The following RAD51B variants were observed in gnomAD, a reference collection of about 807,000 sequenced individuals.
RAD51B encodes RAD51 paralog B, also known as DNA repair protein RAD51 homolog 2.
RAD51B carries 38 observed loss-of-function variants against 42.2 expected under a neutral mutation model. The observed-to-expected ratio is 0.90, with a 90% CI of 0.70 to 1.18. The LOEUF is 1.18. Among genes scored for constraint, RAD51B ranks in the 50% most tolerant of loss-of-function variants. RAD51B has a pLI of 0.00. For missense variants in RAD51B, 373 were observed against 400.7 expected, an observed-to-expected ratio of 0.93 and a Z score of 0.59; for synonymous variants, 154 against 145.2, an observed-to-expected ratio of 1.06 and a Z score of -0.43.
intron 7 of RAD51B, among the ~76,000 whole-genome samples, chr14:68,191,268 G>A (rs2079261671): frequency 6.6e-6 from 1 of 152,136 alleles, no homozygotes; most frequent in African/African-American, 2.4e-5. Context: ...TTAAGCATAT[G>A]TGTTTGGATC....
chr14:68,397,718 C>T (rs1468591599), intron 8 of RAD51B, among the ~76,000 whole-genome samples: 4 of 152,148 alleles, frequency 2.6e-5, no homozygotes, highest in African/African-American at 9.7e-5. Context: ...GTAGCAGCTT[C>T]CCTCAGCCTT....
chr14:67,900,928 G>A (rs1030224885), intron 7 of RAD51B, among the ~76,000 whole-genome samples: 4 of 152,156 alleles, frequency 2.6e-5, no homozygotes, highest in African/African-American at 9.7e-5. Flanking sequence ...GTTGGAGTCT[G>A]CTTAGTCCCT....
intron 3 of RAD51B, among the ~76,000 whole-genome samples, chr14:67,830,804 G>C (rs752072456): frequency 1.3e-5 from 2 of 152,068 alleles, no homozygotes; most frequent in Non-Finnish European, 2.9e-5. Context: ...GAGAAACTGA[G>C]TGGTACCATT....
In RAD51B at chr14:67,959,172, C is replaced by T. The variant is rs932497596; in HGVS notation, c.756+71968C>T. 6.6e-5 allele frequency among the ~76,000 whole-genome samples: 10 copies of T among 151,920 alleles called. No homozygotes were observed. In the East Asian group the frequency reaches 1.9e-3, roughly 29 times the overall value. ...ATACATATAAAATAATAATCACCTG[C>T]TAGTGTTACCAATGCTGATTATGAT... On this transcript the variant is annotated intron_variant, in intron 7 of 10. Coordinates refer to ENST00000471583, the MANE Select transcript of RAD51B (RefSeq NM_133510.4).
intron 8 of RAD51B, among the ~76,000 whole-genome samples, chr14:68,346,956 C>A (rs2082688850): frequency 6.6e-6 from 1 of 152,138 alleles, no homozygotes; most frequent in Non-Finnish European, 1.5e-5. Context: ...CTTCCCTCTA[C>A]CCCCCAAGGC....
chr14:68,391,919 G>C (rs74983055), intron 8 of RAD51B, among the ~76,000 whole-genome samples: 1 of 152,122 alleles, frequency 6.6e-6, no homozygotes, highest in Non-Finnish European at 1.5e-5. Context: ...TTCTGGTTGC[G>C]GGGGCTGCTT....
chr14:68,094,995 T>C (rs144985708), intron 7 of RAD51B, among the ~76,000 whole-genome samples: 16 of 152,326 alleles, frequency 1.1e-4, no homozygotes, highest in Non-Finnish European at 2.2e-4. Context: ...AGTGCTTGTA[T>C]ACACCTGCCA....
chr14:68,499,209 T>C (rs566647129), intron 10 of RAD51B, among the ~76,000 whole-genome samples: 1 of 152,262 alleles, frequency 6.6e-6, no homozygotes, highest in South Asian at 2.1e-4. Context: ...TCCCAACATA[T>C]CCAACTAAGA....
At chr14:68,474,151 ACCT>A (rs1566904528) in intron 10 of RAD51B, among the ~76,000 whole-genome samples, 65 of 152,306 alleles carry the variant, frequency 4.3e-4, no homozygotes, top group African/African-American at 1.5e-3. Flanking sequence ...CAATTTTATT[ACCT>A]GTGCTTCTTG....
chr14:67,891,037 T>C (rs985058163), intron 7 of RAD51B, among the ~76,000 whole-genome samples: 1 of 152,188 alleles, frequency 6.6e-6, no homozygotes, highest in African/African-American at 2.4e-5. Flanking sequence ...TTACTGGTAT[T>C]TCCAAGGTCT....
At chr14:68,023,175 T>G (rs913025469) in intron 7 of RAD51B, among the ~76,000 whole-genome samples, 3 of 152,210 alleles carry the variant, frequency 2.0e-5, no homozygotes, top group Admixed American at 2.0e-4. Context: ...ATATACCCAG[T>G]AATGGGATTA....
chr14:67,852,159 G>C (rs768624954), intron 4 of RAD51B, among the ~76,000 whole-genome samples: 1 of 152,212 alleles, frequency 6.6e-6, no homozygotes, highest in Non-Finnish European at 1.5e-5. Context: ...AGCCAGAGCC[G>C]TGACCGACTG....
At chr14:67,889,837 C>G (rs1419168371) in intron 7 of RAD51B, among the ~76,000 whole-genome samples, 1 of 152,024 alleles carries the variant, frequency 6.6e-6, no homozygotes, top group Non-Finnish European at 1.5e-5. Context: ...GAAATGAAAA[C>G]ATAAAATTAA....
At chr14:68,017,441 C>T (rs1435661418) in intron 7 of RAD51B, among the ~76,000 whole-genome samples, 2 of 152,020 alleles carry the variant, frequency 1.3e-5, no homozygotes, top group African/African-American at 4.8e-5. Flanking sequence ...GGCAGCCTGC[C>T]CACCTTGGCC....
At chr14:68,655,671 C>T (rs546541159) in intron 11 of RAD51B, among the ~76,000 whole-genome samples, 15 of 152,314 alleles carry the variant, frequency 9.8e-5, no homozygotes, top group South Asian at 4.1e-4. Flanking sequence ...GACGCCCACC[C>T]GCGGGGCACT....
intron 10 of RAD51B, among the ~76,000 whole-genome samples, chr14:68,487,459 A>T (rs1364484848): frequency 1.3e-5 from 2 of 150,976 alleles, no homozygotes; most frequent in African/African-American, 4.9e-5. Context: ...CCTTAATTAC[A>T]TCCTTTTGTT....
At chr14:68,129,292 TGAAACTGA>T (rs1429535428) in intron 7 of RAD51B, among the ~76,000 whole-genome samples, 2 of 152,194 alleles carry the variant, frequency 1.3e-5, no homozygotes, top group Non-Finnish European at 2.9e-5. Context: ...CACTGATTGC[TGAAACTGA>T]GAAACTGAGA....
At chr14:68,168,021 A>G (rs1215661715) in intron 7 of RAD51B, among the ~76,000 whole-genome samples, 1 of 152,088 alleles carries the variant, frequency 6.6e-6, no homozygotes, top group Admixed American at 6.6e-5. Flanking sequence ...GACTACTCTG[A>G]TAGTGACACT....
chr14:68,427,056 C>T (rs984518943), intron 9 of RAD51B, among the ~76,000 whole-genome samples: 2 of 152,200 alleles, frequency 1.3e-5, no homozygotes, highest in African/African-American at 4.8e-5. Flanking sequence ...TGGTGGTGCC[C>T]ACATAGTGCT....
Sources: gnomAD v4.1 joint callset for allele counts (sites outside exome capture counted in the v4.1 genomes callset) on GRCh38, gnomAD v4.1.1 for gene constraint, MANE v1.5 for transcripts, NCBI Gene and HGNC (gene_info 2026-07-23, HGNC 2026-07-21) for gene names.